Variants in MAPK9 observed in about 807,000 individuals in gnomAD.
The protein encoded by MAPK9 is Jun kinase.
Under a neutral mutation model 57.1 loss-of-function variants are expected in MAPK9, and 30 were observed. The observed-to-expected ratio is 0.53, with a 90% CI of 0.39 to 0.71. MAPK9 has a LOEUF of 0.71. Among genes scored for constraint, MAPK9 ranks in the 30% least tolerant of loss-of-function variants. MAPK9 has a pLI of 0.00. For synonymous variants in MAPK9, 155 were observed against 177.0 expected (o/e 0.88, Z 0.99); for missense variants, 362 against 521.0 (o/e 0.69, Z 2.97).
intron 10 of MAPK9, among the ~76,000 whole-genome samples, chr5:180,239,070 G>T (rs973678861): frequency 6.6e-6 from 1 of 152,138 alleles, no homozygotes; most frequent in African/African-American, 2.4e-5. Context: ...GTGGTTACTT[G>T]GGGTTCTCCA....
At chr5:180,251,481 G>A (rs1758686488) in intron 5 of MAPK9, among the ~76,000 whole-genome samples, 1 of 152,184 alleles carries the variant, frequency 6.6e-6, no homozygotes, top group South Asian at 2.1e-4. Flanking sequence ...ACACTTTACT[G>A]CCGTCTGCTG....
intron 1 of MAPK9, among the ~76,000 whole-genome samples, chr5:180,282,910 A>C (rs1762434978): frequency 6.6e-6 from 1 of 152,204 alleles, no homozygotes; most frequent in Non-Finnish European, 1.5e-5. Flanking sequence ...TGGGAGGAGA[A>C]GCAGCAGAGG....
chr5:180,265,729 G>A (rs1429506164), intron 3 of MAPK9, among the ~76,000 whole-genome samples: 1 of 152,178 alleles, frequency 6.6e-6, no homozygotes, highest in Non-Finnish European at 1.5e-5. Context: ...CCACGGCTTA[G>A]GCACCAAACA....
At chr5:180,240,915 G>C in intron 9 of MAPK9, 116 bp downstream of exon 9, 1 of 1,269,634 alleles carries the variant, frequency 7.9e-7, no homozygotes, top group Non-Finnish European at 1.0e-6. Flanking sequence ...CTGTAACTGG[G>C]AGCCCCCAAA....
chr5:180,267,996 T>C (rs1760828905), intron 3 of MAPK9, among the ~76,000 whole-genome samples: 1 of 152,080 alleles, frequency 6.6e-6, no homozygotes, highest in African/African-American at 2.4e-5. Context: ...CTTAATTTTT[T>C]GTACTTTTTA....
In MAPK9 at chr5:180,247,901, G is replaced by C. The variant is rs1758282181; in HGVS notation, c.617-391C>G. On this transcript the variant is annotated intron_variant, in intron 6 of 11. Coordinates refer to ENST00000452135, the MANE Select transcript of MAPK9 (RefSeq NM_002752.5). This position sits in a 1 kb window ranked among gnomAD's most constrained non-coding sequence, Gnocchi z 4.5. ...CTTTATGGAGGACCATTTCTGCCATGATGCACCCGACAGACCAGATGTCCA... is the reference window on the plus strand; with the variant it reads ...CTTTATGGAGGACCATTTCTGCCATCATGCACCCGACAGACCAGATGTCCA... 8.1e-6 allele frequency: 13 copies of C among 1,614,114 alleles called. No individual in the cohort carries two copies. The highest frequency in any genetic ancestry group is 1.0e-5 in the Non-Finnish European group (12 of 1,180,016).
chr5:180,251,146 G>T (rs1414530620), intron 5 of MAPK9, among the ~76,000 whole-genome samples: 1 of 152,166 alleles, frequency 6.6e-6, no homozygotes, highest in Non-Finnish European at 1.5e-5. Flanking sequence ...GCTGGCGGGA[G>T]AAGCAGAAAC....
Position 180,261,839 on chromosome 5 carries a change from C to A in MAPK9, c.312-17G>T. 1.9e-6 allele frequency: 3 copies of A among 1,585,006 alleles called. No homozygotes were observed. The South Asian group carries it at 3.5e-5, about 19-fold the overall frequency. ...ACCAAATACCTGAGGGAGAAAAGGT[C>A]AGTTATTTATTTGAAAATTATCCAA... On this transcript the variant is annotated splice_polypyrimidine_tract_variant and intron_variant, in intron 4 of 11. Transcript: ENST00000452135.
At chr5:180,289,383 ATTGTTT>A (rs1763038573) in intron 1 of MAPK9, among the ~76,000 whole-genome samples, 1 of 152,176 alleles carries the variant, frequency 6.6e-6, no homozygotes, top group Non-Finnish European at 1.5e-5. Flanking sequence ...CAAAAATAGT[ATTGTTT>A]TTAACTCTGC....
chr5:180,272,207 C>T (rs569945316), intron 2 of MAPK9, among the ~76,000 whole-genome samples: 2 of 152,312 alleles, frequency 1.3e-5, no homozygotes, highest in South Asian at 2.1e-4. Flanking sequence ...TCTTGTGTTG[C>T]CTCTCTTGCT....
At chr5:180,242,471 A>T in intron 8 of MAPK9, 102 bp downstream of exon 8, 1 of 1,113,480 alleles carries the variant, frequency 9.0e-7, no homozygotes, top group Non-Finnish European at 1.3e-6. Context: ...GCCTAAAATG[A>T]CTTTCTCTCC....
At position 180,247,472 on chromosome 5, in the gene MAPK9, C is replaced by T. The variant is rs1439948651; in HGVS notation, c.655G>A (p.Val219Met). 6.2e-7 allele frequency: 1 copy of T among 1,614,130 alleles called. No homozygotes were observed. The highest frequency in any genetic ancestry group is 1.3e-5 in the African/African-American group (1 of 75,020). ...WSVGCIMGEL[V>M]KGCVIFQGTD... ...CCTTGGAATATCACACAACCTTTCA[C>T]CAGCTCTCCCATGATGCAACCCACT... The change falls in exon 7 of 12, where the codon GTG becomes ATG. Residue 219 changes from valine to methionine, a missense_variant. Transcript: ENST00000452135. The surrounding 1 kb of genome is among the most constrained non-coding windows in gnomAD (Gnocchi z 4.5).
intron 8 of MAPK9, among the ~76,000 whole-genome samples, chr5:180,242,289 T>C (rs1020169511): frequency 1.3e-5 from 2 of 152,230 alleles, no homozygotes; most frequent in African/African-American, 4.8e-5. Flanking sequence ...GTGTTCTTCT[T>C]ACCTGAAAAC....
intron 7 of MAPK9, among the ~76,000 whole-genome samples, chr5:180,243,459 A>G (rs1472469148): frequency 6.6e-6 from 1 of 152,184 alleles, no homozygotes; most frequent in Non-Finnish European, 1.5e-5. Flanking sequence ...AGCTTTGCCT[A>G]TTCCACAGGG....
chr5:180,267,574 A>G (rs911567742), intron 3 of MAPK9, among the ~76,000 whole-genome samples: 4 of 151,452 alleles, frequency 2.6e-5, no homozygotes, highest in African/African-American at 9.7e-5. Flanking sequence ...AAAAAAAAAA[A>G]AAAAAAAGAA....
chr5:180,244,764 ACT>A (rs1203930867), intron 7 of MAPK9, among the ~76,000 whole-genome samples: 8 of 138,884 alleles, frequency 5.8e-5, no homozygotes, highest in Non-Finnish European at 9.2e-5. Flanking sequence ...ATGGAGTGAG[ACT>A]CTGTCTCAAA....
intron 3 of MAPK9, among the ~76,000 whole-genome samples, chr5:180,266,960 G>T (rs33971908): frequency 0.029 from 4,387 of 152,210 alleles, 92 homozygotes; most frequent in Middle Eastern, 0.051. Context: ...AACAACAGGC[G>T]GCTGGCAGTC....
chr5:180,253,963 CTTT>C (rs5873681), intron 5 of MAPK9, among the ~76,000 whole-genome samples: 2 of 109,356 alleles, frequency 1.8e-5, no homozygotes. Flanking sequence ...GCTTCAATCT[CTTT>C]TTTTTTTTTT....
intron 6 of MAPK9, chr5:180,248,006 T>A: frequency 7.4e-7 from 1 of 1,344,498 alleles, no homozygotes; most frequent in Admixed American, 2.0e-5. Context: ...ACAAACCCGG[T>A]ACACGTCACT....
Sources: gnomAD v4.1 joint callset for allele counts (sites outside exome capture counted in the v4.1 genomes callset) on GRCh38, gnomAD v4.1.1 for gene constraint, Gnocchi (gnomAD v3.1) non-coding constraint, MANE v1.5 for transcripts, NCBI Gene and HGNC (gene_info 2026-07-23, HGNC 2026-07-21) for gene names.